Variants in ZMAT3 observed in about 807,000 individuals in gnomAD.
The protein encoded by ZMAT3 is zinc finger matrin-type 3, also known as zinc finger matrin-type protein 3.
In ZMAT3, 17 loss-of-function variants were observed where a neutral mutation model predicts 32.3. That is an observed-to-expected ratio of 0.53 (90% CI 0.36 to 0.79). The LOEUF (loss-of-function observed/expected upper bound fraction) is 0.79, where lower values mean the gene tolerates loss of function less well. ZMAT3 is among the 30% of genes least tolerant of loss of function. The probability of loss-of-function intolerance (pLI) is 0.00; values close to 1 mark genes in which losing one functional copy is unlikely to be tolerated. For synonymous variants in ZMAT3, 120 were observed against 133.1 expected (o/e 0.90, Z 0.68); for missense variants, 329 against 359.7 (o/e 0.91, Z 0.69).
At chr3:179,043,988 C>T (rs992748794) in intron 2 of ZMAT3, among the ~76,000 whole-genome samples, 1 of 152,230 alleles carries the variant, frequency 6.6e-6, no homozygotes, top group African/African-American at 2.4e-5. Flanking sequence ...TGCTCATCAT[C>T]ATTCGTCGTC....
At chr3:179,054,154 T>C (rs1490661835) in intron 2 of ZMAT3, among the ~76,000 whole-genome samples, 2 of 152,234 alleles carry the variant, frequency 1.3e-5, no homozygotes, top group Admixed American at 6.5e-5. Context: ...AATGCCACAA[T>C]TGTCCAATGC....
intron 2 of ZMAT3, among the ~76,000 whole-genome samples, chr3:179,060,168 AAT>A (rs1257687867): frequency 1.3e-5 from 2 of 152,174 alleles, no homozygotes; most frequent in African/African-American, 2.4e-5. Context: ...AAAAAAATTC[AAT>A]ATGAGATTAG....
intron 2 of ZMAT3, among the ~76,000 whole-genome samples, chr3:179,059,776 T>C (rs1721056764): frequency 6.6e-6 from 1 of 152,182 alleles, no homozygotes; most frequent in Admixed American, 6.5e-5. Flanking sequence ...GTTAGAGTGG[T>C]TGTCGGCCAA....
At chr3:179,047,336 G>A (rs1720294832) in intron 2 of ZMAT3, among the ~76,000 whole-genome samples, 1 of 152,134 alleles carries the variant, frequency 6.6e-6, no homozygotes, top group African/African-American at 2.4e-5. Context: ...GCACCCTGTG[G>A]GACAAAAGAA....
chr3:179,070,045 T>G (rs566430563), intron 1 of ZMAT3, among the ~76,000 whole-genome samples: 1 of 152,234 alleles, frequency 6.6e-6, no homozygotes, highest in East Asian at 1.9e-4. Context: ...ATAATAATAA[T>G]TCATAATGTT....
At chr3:179,039,325 C>A (rs372903238) in intron 2 of ZMAT3, among the ~76,000 whole-genome samples, 7 of 152,154 alleles carry the variant, frequency 4.6e-5, no homozygotes, top group Admixed American at 1.3e-4. Context: ...ACAGTCACCT[C>A]ATATAGATGG....
chr3:179,048,094 C>G (rs773128788), intron 2 of ZMAT3, among the ~76,000 whole-genome samples: 4 of 151,978 alleles, frequency 2.6e-5, no homozygotes, highest in Non-Finnish European at 4.4e-5. Context: ...TGAATTAACC[C>G]AAATTGATAA....
chr3:179,042,106 C>G (rs1719970195), intron 2 of ZMAT3, among the ~76,000 whole-genome samples: 1 of 152,058 alleles, frequency 6.6e-6, no homozygotes. Flanking sequence ...GCCTACCAAT[C>G]AAAAAAAGTC....
intron 2 of ZMAT3, among the ~76,000 whole-genome samples, chr3:179,057,426 C>T (rs1720905058): frequency 6.6e-6 from 1 of 152,190 alleles, no homozygotes; most frequent in African/African-American, 2.4e-5. Flanking sequence ...AGTGTCTCAA[C>T]TCACCTGGAC....
At chr3:179,027,325 T>C in intron 5 of ZMAT3, 98 bp downstream of exon 5, 6 of 1,094,410 alleles carry the variant, frequency 5.5e-6, no homozygotes, top group African/African-American at 1.6e-5. Flanking sequence ...ACTGACTAAC[T>C]CCAAATTCTC....
chr3:179,044,878 CA>C (rs537730620), intron 2 of ZMAT3, among the ~76,000 whole-genome samples: 604 of 151,534 alleles, frequency 4.0e-3, no homozygotes, highest in African/African-American at 0.014. Context: ...TAGGGCCTGT[CA>C]GGGGGCGGGG....
At chr3:179,045,229 G>C (rs979019273) in intron 2 of ZMAT3, among the ~76,000 whole-genome samples, 1 of 152,064 alleles carries the variant, frequency 6.6e-6, no homozygotes, top group Non-Finnish European at 1.5e-5. Flanking sequence ...TAGAAGTCTG[G>C]AACAAAGTGG....
intron 2 of ZMAT3, among the ~76,000 whole-genome samples, chr3:179,065,078 G>A (rs1721338597): frequency 1.3e-5 from 2 of 152,070 alleles, no homozygotes; most frequent in East Asian, 1.9e-4. Flanking sequence ...AGTCTCATTC[G>A]AATCTTTGCT....
Position 179,029,934 on chromosome 3 carries a change from A to G in ZMAT3, c.390+946T>C, listed in dbSNP as rs112706673. 4.6e-5 allele frequency among the ~76,000 whole-genome samples: 7 copies of G among 152,330 alleles called. 1 individual carries two copies. Among genetic ancestry groups the G allele is most frequent in the African/African-American group, 1.7e-4 (7 of 41,578 alleles). On this transcript the variant is annotated intron_variant, in intron 3 of 5. Transcript: ENST00000311417. The stretch of plus-strand genomic sequence containing the variant: ...GTCCCAGCCCTGACTGAAACAACGT[A>G]TGAAACATGCTCAGCACAGTGCCTG...
rs142572036 is a variant in ZMAT3 at position 179,049,491 on chromosome 3, A to C, written c.270+17992T>G. 2.1e-3 allele frequency among the ~76,000 whole-genome samples: 314 copies of C among 152,352 alleles called. 3 individuals carry two copies. Among genetic ancestry groups the C allele is most frequent in the African/African-American group, 7.1e-3 (294 of 41,576 alleles). ...CTTTCTCAGACCACAGTGGAATAAA[A>C]TTGGAAATCAACTCCAAAAGAAACC... On this transcript the variant is annotated intron_variant, in intron 2 of 5. Coordinates refer to ENST00000311417, the MANE Select transcript of ZMAT3 (RefSeq NM_022470.4).
At chr3:179,069,344 C>T (rs150251972) in intron 1 of ZMAT3, among the ~76,000 whole-genome samples, 7 of 152,084 alleles carry the variant, frequency 4.6e-5, no homozygotes, top group African/African-American at 1.7e-4. Flanking sequence ...TGCCTCCCCC[C>T]CAGATGGCGC....
At chr3:179,068,763 G>A (rs1222915886) in intron 1 of ZMAT3, among the ~76,000 whole-genome samples, 3 of 152,214 alleles carry the variant, frequency 2.0e-5, no homozygotes, top group African/African-American at 7.2e-5. Flanking sequence ...CAGCCTGTGG[G>A]CCACATACAG....
chr3:179,022,541 A>G lies in ZMAT3; in HGVS notation c.*2476T>C, dbSNP rs961485488. The G allele has an allele frequency of 6.6e-6, 1 of 151,932 alleles. No homozygotes were observed. Among genetic ancestry groups the G allele is most frequent in the Admixed American group, 6.6e-5 (1 of 15,242 alleles). 9.4% of individuals were successfully genotyped at this position (151,932 alleles called of 1,614,324 possible). A position where few individuals can be genotyped will look rare whatever the true frequency, so the allele number is the denominator to read the frequency against. The stretch of plus-strand genomic sequence containing the variant: ...ATGTTAAAATTAACCAAAAAATTAT[A>G]TTTAGCAGCAAAATGAATAACCTAC... On this transcript the variant is annotated 3_prime_UTR_variant, in exon 6 of 6. Transcript: ENST00000311417.
At chr3:179,049,731 G>C (rs911345185) in intron 2 of ZMAT3, among the ~76,000 whole-genome samples, 2 of 150,334 alleles carry the variant, frequency 1.3e-5, no homozygotes, top group African/African-American at 4.8e-5. Context: ...GGTTGCTCAT[G>C]CCTGTAATCC....
Sources: allele counts gnomAD v4.1 joint callset (sites outside exome capture counted in the v4.1 genomes callset), GRCh38; gene constraint gnomAD v4.1.1; transcripts MANE v1.5; gene names NCBI Gene and HGNC (gene_info 2026-07-23, HGNC 2026-07-21).